The following RHNO1 variants were observed in gnomAD, a reference collection of about 807,000 sequenced individuals.
The protein encoded by RHNO1 is RAD9, HUS1, RAD1-interacting nuclear orphan protein 1.
In RHNO1, 9 loss-of-function variants were observed where a neutral mutation model predicts 7.2. The ratio of observed to expected loss-of-function variants is 1.25; its 90% CI spans 0.75 to 2.18. The LOEUF is 2.18. RHNO1 is among the 30% of genes most tolerant of loss of function. The pLI is 0.00. For missense variants in RHNO1, 292 were observed against 284.5 expected (o/e 1.03, Z -0.19); for synonymous variants, 95 against 107.5 (o/e 0.88, Z 0.72).
At chr12:2,879,746 C>A (rs957681358) in intron 1 of RHNO1, among the ~76,000 whole-genome samples, 2 of 151,678 alleles carry the variant, frequency 1.3e-5, no homozygotes, top group African/African-American at 2.4e-5. Context: ...ATATTGAAGT[C>A]ATCTACTTCT....
chr12:2,876,910 T>G (rs1044654296), upstream of RHNO1: 6 of 152,302 alleles, frequency 3.9e-5, no homozygotes, highest in African/African-American at 1.2e-4. Context: ...CATTGCTGCA[T>G]CCCGCTCACC....
intron 1 of RHNO1, 27 bp from the exon 2 acceptor site, chr12:2,885,256 C>A: frequency 1.1e-6 from 1 of 930,572 alleles, no homozygotes; most frequent in Non-Finnish European, 1.6e-6. Context: ...GAATTATTTG[C>A]TCCCAGCTTT....
chr12:2,881,346 G>C (rs746612192), intron 1 of RHNO1, among the ~76,000 whole-genome samples: 64 of 151,992 alleles, frequency 4.2e-4, no homozygotes, highest in South Asian at 3.9e-3. Context: ...CAAGTAATCT[G>C]CCCGCCTCAG....
intron 1 of RHNO1, among the ~76,000 whole-genome samples, chr12:2,883,075 A>AAAAAAAACCAAC (rs1555108315): frequency 7.4e-6 from 1 of 134,486 alleles, no homozygotes; most frequent in South Asian, 2.3e-4. Flanking sequence ...TCAAAAAAAA[A>AAAAAAAACCAAC]AAAAAAAAAA....
rs140887418 is a variant in RHNO1, at chr12:2,887,992, C to T, written c.250C>T (p.Arg84Ter). Residue 84 changes from arginine to a stop codon, truncating the protein, a stop_gained, in exon 3 of 3, where the codon CGA becomes TGA. Transcript: ENST00000489288. LOFTEE classifies it low-confidence loss of function (END_TRUNC). The part of the protein sequence containing the change: ...KHQNRARHSS[R>*]KPTTSKFPHL... ...CCAAAACCGGGCGAGACACTCAAGT[C>T]GAAAACCTACCACCTCCAAGTTTCC... 3,565 of 1,613,754 alleles carry T rather than the reference C, an allele frequency of 2.2e-3. 5 individuals are homozygous for T. Among genetic ancestry groups the T allele is most frequent in the Non-Finnish European group, 2.6e-3 (3,067 of 1,179,948 alleles).
chr12:2,883,451 T>C (rs543245461), intron 1 of RHNO1, among the ~76,000 whole-genome samples: 1 of 136,238 alleles, frequency 7.3e-6, no homozygotes, highest in Non-Finnish European at 1.6e-5. Context: ...ATATATTTGT[T>C]TAGTCATATT....
chr12:2,883,511 A>ATATATTT (rs2098161542), intron 1 of RHNO1, among the ~76,000 whole-genome samples: 3 of 26,846 alleles, frequency 1.1e-4, no homozygotes, highest in African/African-American at 5.0e-4. Context: ...ATATATATAT[A>ATATATTT]TTTTTTTTTT....
chr12:2,883,902 G>A (rs2098162218), intron 1 of RHNO1, among the ~76,000 whole-genome samples: 1 of 151,942 alleles, frequency 6.6e-6, no homozygotes. Context: ...GACAGTTATT[G>A]GAGCTGGATA....
intron 1 of RHNO1, among the ~76,000 whole-genome samples, chr12:2,882,083 C>T (rs1411756359): frequency 6.6e-6 from 1 of 151,808 alleles, no homozygotes; most frequent in Non-Finnish European, 1.5e-5. Flanking sequence ...CTGCAACTCT[C>T]ATTTACCTCT....
chr12:2,887,225 C>A (rs2098166602), intron 2 of RHNO1: 2 of 255,232 alleles, frequency 7.8e-6, no homozygotes, highest in Middle Eastern at 1.7e-3. Context: ...TGCCTGTAAT[C>A]CCAGCACTTT....
At chr12:2,887,090 C>T in intron 2 of RHNO1, 1 of 421,726 alleles carries the variant, frequency 2.4e-6, no homozygotes, top group South Asian at 1.6e-5. Flanking sequence ...CGCCTGTAAT[C>T]CCAGCACTTT....
Position 2,885,418 on chromosome 12 carries a change from T to A in RHNO1, c.52T>A (p.Phe18Ile). 1 of 1,613,998 alleles carries A rather than the reference T, an allele frequency of 6.2e-7. No individual in the cohort carries two copies. The highest frequency in any genetic ancestry group is 8.5e-7 in the Non-Finnish European group (1 of 1,179,994). Residue 18 changes from phenylalanine to isoleucine, a missense_variant, in exon 2 of 3, where the codon TTC becomes ATC. Transcript: ENST00000489288. ...GCCTTCCCAGAAAGCCCCGCTGCTG[T>A]TCCACCAACAACCACTGGAGGGCCC... ...RQPSQKAPLL[F>I]HQQPLEGPKH...
intron 1 of RHNO1, among the ~76,000 whole-genome samples, chr12:2,884,915 A>G (rs752294425): frequency 1.3e-5 from 2 of 152,152 alleles, no homozygotes; most frequent in African/African-American, 2.4e-5. Flanking sequence ...TTTGGAATGA[A>G]TGGAACCATA....
rs776088285 is a variant in RHNO1 at position 2,888,937 on chromosome 12, T to C, written c.*478T>C. The C allele has an allele frequency of 6.6e-6, 1 of 152,602 alleles. No homozygotes were observed. Among genetic ancestry groups the C allele is most frequent in the Non-Finnish European group, 1.5e-5 (1 of 68,340 alleles). The allele number at this position is 152,602 out of a possible 1,614,324, so 9.5% of individuals were successfully genotyped here. ...TCTTGTAGTAACTCTTTAAAATGTA[T>C]GTAAGTAAATGGCTGCAGAAAGTTT... On this transcript the variant is annotated 3_prime_UTR_variant, in exon 3 of 3. Transcript: ENST00000489288.
chr12:2,888,306 T>G lies in RHNO1; in HGVS notation c.564T>G (p.Thr188=), dbSNP rs143069114. 4.3e-6 allele frequency: 7 copies of G among 1,614,026 alleles called. No homozygotes were observed. Among genetic ancestry groups the G allele is most frequent in the African/African-American group, 1.3e-5 (1 of 74,976 alleles). Residue 188 remains threonine (T), a synonymous_variant, in exon 3 of 3, where the codon ACT becomes ACG. Transcript: ENST00000489288. ...TAAGCTGCACTCTTCACACTGGCAC[T>G]CCTAATAGCCCAGAGCCTGGACCTG... ...SLLSCTLHTG[T]PNSPEPGPVL... is the part of the protein sequence containing the mutation.
At chr12:2,876,747 G>A (rs1565482687), upstream of RHNO1, among the ~76,000 whole-genome samples, 1 of 152,230 alleles carries the variant, frequency 6.6e-6, no homozygotes, top group Admixed American at 6.5e-5. Context: ...GCCACGGCCA[G>A]GAGGTGGACG....
chr12:2,888,405 T>C lies in RHNO1; in HGVS notation c.663T>C (p.Ala221=). ...VTWRRRQHLL[A]YLRERGKLSR... is the part of the protein sequence containing the mutation. Reference sequence around the variant, plus strand: ...GGAGGAGACGACAGCACCTGCTTGCTTACCTCAGGGAGAGAGGGAAGCTGA... The same window carrying C: ...GGAGGAGACGACAGCACCTGCTTGCCTACCTCAGGGAGAGAGGGAAGCTGA... The change falls in exon 3 of 3, where the codon GCT becomes GCC. Residue 221 remains alanine (A), a synonymous_variant. Transcript: ENST00000489288. The C allele has an allele frequency of 1.2e-6, 2 of 1,611,492 alleles. No homozygotes were observed. Among genetic ancestry groups the C allele is most frequent in the Non-Finnish European group, 8.5e-7 (1 of 1,178,944 alleles).
At chr12:2,883,511 A>ATATTTTTTTTTTTT (rs2098161542) in intron 1 of RHNO1, among the ~76,000 whole-genome samples, 2 of 26,826 alleles carry the variant, frequency 7.5e-5, no homozygotes, top group African/African-American at 3.3e-4. Flanking sequence ...ATATATATAT[A>ATATTTTTTTTTTTT]TTTTTTTTTT....
intron 2 of RHNO1, among the ~76,000 whole-genome samples, chr12:2,886,531 C>G (rs1208586030): frequency 1.3e-5 from 2 of 151,858 alleles, no homozygotes; most frequent in Non-Finnish European, 2.9e-5. Context: ...GTGGTGCGCA[C>G]CTGTAGTCCC....
Sources: gnomAD v4.1 joint callset for allele counts (sites outside exome capture counted in the v4.1 genomes callset) on GRCh38, gnomAD v4.1.1 for gene constraint, MANE v1.5 for transcripts, NCBI Gene and HGNC (gene_info 2026-07-23, HGNC 2026-07-21) for gene names.